Variants in DLGAP2 observed in about 807,000 individuals in gnomAD.
DLGAP2 encodes DLG associated protein 2.
Under a neutral mutation model 100.3 loss-of-function variants are expected in DLGAP2, and 26 were observed. That is an observed-to-expected ratio of 0.26 (90% CI 0.19 to 0.36). The LOEUF is 0.36. Among genes scored for constraint, DLGAP2 ranks in the 10% least tolerant of loss-of-function variants. The probability of loss-of-function intolerance (pLI) is 1.00; values close to 1 mark genes in which losing one functional copy is unlikely to be tolerated. For missense variants in DLGAP2, 1,858 were observed against 1,453.2 expected (o/e 1.28, Z -4.53); for synonymous variants, 886 against 630.1 (o/e 1.41, Z -6.08).
intron 2 of DLGAP2, among the ~76,000 whole-genome samples, chr8:1,023,106 C>T (rs1801675797): frequency 6.6e-6 from 1 of 152,214 alleles, no homozygotes; most frequent in Admixed American, 6.5e-5. Context: ...ACCTTTTCTC[C>T]CCAGGCATTG....
intron 2 of DLGAP2, among the ~76,000 whole-genome samples, chr8:1,100,658 G>A (rs1279083843): frequency 6.6e-6 from 1 of 152,198 alleles, no homozygotes; most frequent in Non-Finnish European, 1.5e-5. Flanking sequence ...GAGGATAATT[G>A]TCAGACGTCA....
chr8:1,503,488 G>A (rs564919151), intron 4 of DLGAP2, among the ~76,000 whole-genome samples: 14 of 152,242 alleles, frequency 9.2e-5, no homozygotes, highest in Admixed American at 3.3e-4. Context: ...ACTGCACTTT[G>A]TGGATGGACC....
intron 2 of DLGAP2, among the ~76,000 whole-genome samples, chr8:1,254,811 G>A (rs1035138981): frequency 1.1e-4 from 17 of 149,164 alleles, no homozygotes; most frequent in African/African-American, 3.5e-4. Context: ...AGTTCACTGC[G>A]CTCCCACAAA....
chr8:1,200,043 G>A (rs1286329977), intron 2 of DLGAP2, among the ~76,000 whole-genome samples: 1 of 152,042 alleles, frequency 6.6e-6, no homozygotes, highest in African/African-American at 2.4e-5. Flanking sequence ...GGGTGACCCC[G>A]AGAACAGGAG....
chr8:863,704 T>C (rs958930604), intron 1 of DLGAP2, among the ~76,000 whole-genome samples: 3 of 152,136 alleles, frequency 2.0e-5, no homozygotes, highest in African/African-American at 7.2e-5. Flanking sequence ...CGACTGGCTT[T>C]CACCAAAAAG....
chr8:769,226 G>C (rs777285315), intron 1 of DLGAP2, among the ~76,000 whole-genome samples: 2 of 152,130 alleles, frequency 1.3e-5, no homozygotes, highest in Non-Finnish European at 2.9e-5. Flanking sequence ...AAAGTTAAGA[G>C]ACTAAGACAT....
chr8:874,013 T>C (rs1316377510), intron 1 of DLGAP2, among the ~76,000 whole-genome samples: 1 of 152,086 alleles, frequency 6.6e-6, no homozygotes, highest in Non-Finnish European at 1.5e-5. Context: ...TTATTCATAG[T>C]GTTCCTGTAC....
chr8:1,058,054 G>A (rs974260142), intron 2 of DLGAP2, among the ~76,000 whole-genome samples: 5 of 152,170 alleles, frequency 3.3e-5, no homozygotes, highest in African/African-American at 9.7e-5. Context: ...ACAGTTTTGA[G>A]AAGAAAAGAT....
chr8:1,224,953 C>G (rs1798385183), intron 2 of DLGAP2, among the ~76,000 whole-genome samples: 1 of 152,186 alleles, frequency 6.6e-6, no homozygotes, highest in Non-Finnish European at 1.5e-5. Flanking sequence ...CAAGAGTTAG[C>G]AAGGATATGG....
At chr8:1,649,931 TAAAGAA>T (rs923639606) in intron 8 of DLGAP2, among the ~76,000 whole-genome samples, 13 of 152,010 alleles carry the variant, frequency 8.6e-5, no homozygotes, top group African/African-American at 1.2e-4. Context: ...ACAAGGAAGA[TAAAGAA>T]AAAGAAAAAG....
chr8:941,624 A>G (rs1799198184), intron 2 of DLGAP2, among the ~76,000 whole-genome samples: 1 of 152,182 alleles, frequency 6.6e-6, no homozygotes, highest in African/African-American at 2.4e-5. Flanking sequence ...TCTAATTCTC[A>G]GGAAGTGTGC....
intron 3 of DLGAP2, among the ~76,000 whole-genome samples, chr8:1,418,893 T>C (rs1797011955): frequency 6.6e-6 from 1 of 152,200 alleles, no homozygotes; most frequent in African/African-American, 2.4e-5. Context: ...TTCCCATGGC[T>C]CTACCTCCAG....
intron 3 of DLGAP2, among the ~76,000 whole-genome samples, chr8:1,483,074 C>A (rs1799141959): frequency 6.6e-6 from 1 of 152,124 alleles, no homozygotes; most frequent in Admixed American, 6.5e-5. Flanking sequence ...CGGAGAGGCG[C>A]AAGGGAGCCC....
At chr8:784,878 G>C (rs1001033400) in intron 1 of DLGAP2, among the ~76,000 whole-genome samples, 5 of 152,116 alleles carry the variant, frequency 3.3e-5, no homozygotes, top group Non-Finnish European at 7.3e-5. Context: ...CAGGAGGTGT[G>C]AGAAGAAAGT....
At position 1,070,264 on chromosome 8, in the gene DLGAP2, G is replaced by A. The variant is rs116108981; in HGVS notation, c.73+162298G>A. ...GGAGAAGGAGATCTTTTTTCATGGC[G>A]TGGGTTCAGGGCAGCTGCGAGAAGC... is the stretch of plus-strand genomic sequence containing the variant. On this transcript the variant is annotated intron_variant, in intron 2 of 14. Transcript: ENST00000637795. 8.4e-3 allele frequency among the ~76,000 whole-genome samples: 1,271 copies of A among 152,158 alleles called. 13 individuals carry two copies. The highest frequency in any genetic ancestry group is 0.029 in the African/African-American group (1,186 of 41,496).
intron 2 of DLGAP2, among the ~76,000 whole-genome samples, chr8:1,060,691 G>A (rs541588394): frequency 2.0e-5 from 3 of 152,330 alleles, no homozygotes; most frequent in Non-Finnish European, 2.9e-5. Flanking sequence ...TGTTCATCCC[G>A]TAACTCCTGG....
chr8:1,478,036 G>A (rs567074257), intron 3 of DLGAP2, among the ~76,000 whole-genome samples: 22 of 152,298 alleles, frequency 1.4e-4, no homozygotes, highest in African/African-American at 4.3e-4. Flanking sequence ...TTCCCCCTAC[G>A]TAAGGGGTAA....
At chr8:810,317 A>G (rs1287113047) in intron 1 of DLGAP2, among the ~76,000 whole-genome samples, 3 of 152,222 alleles carry the variant, frequency 2.0e-5, no homozygotes, top group Non-Finnish European at 4.4e-5. Context: ...ATGCTGCTTC[A>G]TATTGTTTTA....
intron 2 of DLGAP2, among the ~76,000 whole-genome samples, chr8:1,005,911 C>G (rs1191825174): frequency 6.6e-6 from 1 of 152,102 alleles, no homozygotes. Flanking sequence ...TGAGGGAGAT[C>G]AAAGAAATCT....
Sources: allele counts gnomAD v4.1 joint callset (sites outside exome capture counted in the v4.1 genomes callset), GRCh38; gene constraint gnomAD v4.1.1; transcripts MANE v1.5; gene names NCBI Gene and HGNC (gene_info 2026-07-23, HGNC 2026-07-21).